Variants in LRRC1 observed in about 807,000 individuals in gnomAD.
The protein encoded by LRRC1 is leucine rich repeat containing 1.
Under a neutral mutation model 69.9 loss-of-function variants are expected in LRRC1, and 28 were observed. The observed-to-expected ratio is 0.40, with a 90% CI of 0.30 to 0.55. The LOEUF is 0.55. Among genes scored for constraint, LRRC1 ranks in the 20% least tolerant of loss-of-function variants. The probability of loss-of-function intolerance (pLI) is 0.47; values close to 1 mark genes in which losing one functional copy is unlikely to be tolerated. For missense variants in LRRC1, 498 were observed against 609.0 expected (o/e 0.82, Z 1.92); for synonymous variants, 236 against 240.2 (o/e 0.98, Z 0.16).
At chr6:53,809,344 C>A (rs1380097150) in intron 1 of LRRC1, among the ~76,000 whole-genome samples, 1 of 152,186 alleles carries the variant, frequency 6.6e-6, no homozygotes, top group Non-Finnish European at 1.5e-5. Flanking sequence ...CATCTTATAA[C>A]ATATTACACT....
intron 12 of LRRC1, 45 bp downstream of exon 12, chr6:53,919,715 G>A (rs1326048381): frequency 6.4e-7 from 1 of 1,555,924 alleles, no homozygotes; most frequent in Admixed American, 1.7e-5. Context: ...ACGAGATTGA[G>A]TAGGACCTAA....
chr6:53,900,329 G>T (rs1157577985), intron 8 of LRRC1, among the ~76,000 whole-genome samples: 1 of 152,134 alleles, frequency 6.6e-6, no homozygotes, highest in Non-Finnish European at 1.5e-5. Context: ...GAGCCACCAT[G>T]CCCGGCCTTG....
Position 53,840,884 on chromosome 6 carries a change from TTGTGTGTG to T in LRRC1, c.160-1189_160-1182del, listed in dbSNP as rs57491487. Among the ~76,000 whole-genome samples, 1,125 of 125,282 alleles carry T rather than the reference TTGTGTGTG, an allele frequency of 9.0e-3. 8 individuals are homozygous for T. Among genetic ancestry groups the T allele is most frequent in the East Asian group, 0.046 (193 of 4,184 alleles). The allele number at this position is 125,282 out of a possible 152,430, so 82.2% of individuals were successfully genotyped here. A position where few individuals can be genotyped will look rare whatever the true frequency, so the allele number is the denominator to read the frequency against. ...TCCTCTGGGGTGGGGGGGTATGTGTTTGTGTGTGTGTGTGTGTGTGTGTGTGTGTGTGT... is the reference window on the plus strand; with the variant it reads ...TCCTCTGGGGTGGGGGGGTATGTGTTTGTGTGTGTGTGTGTGTGTGTGTGT... On this transcript the variant is annotated intron_variant, in intron 1 of 13. Coordinates refer to ENST00000370888, the MANE Select transcript of LRRC1 (RefSeq NM_018214.5).
intron 3 of LRRC1, among the ~76,000 whole-genome samples, chr6:53,881,702 T>A (rs1767295960): frequency 6.6e-6 from 1 of 152,206 alleles, no homozygotes; most frequent in Non-Finnish European, 1.5e-5. Flanking sequence ...AATGGAAGAT[T>A]CTAATCTAGA....
chr6:53,911,418 G>T (rs1768404697), intron 10 of LRRC1, among the ~76,000 whole-genome samples: 1 of 152,192 alleles, frequency 6.6e-6, no homozygotes, highest in Non-Finnish European at 1.5e-5. Context: ...TTACAGGTTG[G>T]TGTGGTGGGA....
At chr6:53,851,252 A>G (rs1206926310) in intron 2 of LRRC1, among the ~76,000 whole-genome samples, 1 of 151,186 alleles carries the variant, frequency 6.6e-6, no homozygotes, top group African/African-American at 2.4e-5. Flanking sequence ...TCTATTCCTA[A>G]TCTCTCTCTC....
intron 1 of LRRC1, among the ~76,000 whole-genome samples, chr6:53,837,944 T>TA (rs1031764080): frequency 2.0e-5 from 3 of 152,306 alleles, no homozygotes; most frequent in African/African-American, 7.2e-5. Context: ...CTAAGTGGGT[T>TA]AGTGAGCTAT....
At chr6:53,910,270 C>T (rs1176400074) in intron 10 of LRRC1, among the ~76,000 whole-genome samples, 1 of 152,128 alleles carries the variant, frequency 6.6e-6, no homozygotes, top group Non-Finnish European at 1.5e-5. Context: ...TTAAAAATAT[C>T]AGCTTCCTAC....
chr6:53,886,852 A>G (rs545815937), intron 4 of LRRC1, among the ~76,000 whole-genome samples: 5 of 152,300 alleles, frequency 3.3e-5, no homozygotes, highest in African/African-American at 1.2e-4. Context: ...TTTACACAGA[A>G]GTGTAGTTGT....
intron 11 of LRRC1, among the ~76,000 whole-genome samples, chr6:53,918,369 A>G (rs1375144201): frequency 1.3e-5 from 2 of 152,254 alleles, no homozygotes; most frequent in Admixed American, 1.3e-4. Flanking sequence ...TTTGAAACTA[A>G]CACAGAAATC....
chr6:53,814,656 C>T (rs1204922825), intron 1 of LRRC1, among the ~76,000 whole-genome samples: 1 of 152,184 alleles, frequency 6.6e-6, no homozygotes, highest in Non-Finnish European at 1.5e-5. Flanking sequence ...GCTTTGAAAA[C>T]CTTGCTTCCA....
chr6:53,897,172 G>A, intron 6 of LRRC1, 113 bp from the exon 7 acceptor site: 2 of 708,202 alleles, frequency 2.8e-6, no homozygotes, highest in Non-Finnish European at 4.7e-6. Flanking sequence ...AAGTACCAGT[G>A]AACATCTGCT....
chr6:53,899,750 A>G lies in LRRC1; in HGVS notation c.646A>G (p.Ile216Val), dbSNP rs200563845. 11 of 1,613,692 alleles carry G rather than the reference A, an allele frequency of 6.8e-6. No homozygotes were observed. The Admixed American group carries it at 8.3e-5, about 12-fold the overall frequency. The change falls in exon 8 of 14, where the codon ATA (isoleucine) becomes GTA (valine). Residue 216 changes from isoleucine (I) to valine (V), a missense_variant. Coordinates refer to ENST00000370888, the MANE Select transcript of LRRC1 (RefSeq NM_018214.5). Reference protein sequence around the residue: ...GNQLSELPQEIGNLKNLLCLD... With the variant: ...GNQLSELPQEVGNLKNLLCLD... Reference sequence around the variant, plus strand: ...TTTTTCCATGTCATTGTTATAGGAAATAGGAAATCTGAAGAACCTGCTGTG... The same window carrying G: ...TTTTTCCATGTCATTGTTATAGGAAGTAGGAAATCTGAAGAACCTGCTGTG...
At chr6:53,830,271 C>G (rs1400235840) in intron 1 of LRRC1, among the ~76,000 whole-genome samples, 1 of 152,220 alleles carries the variant, frequency 6.6e-6, no homozygotes, top group Non-Finnish European at 1.5e-5. Flanking sequence ...AGAAGTGGCT[C>G]TGAAGGAGCT....
At chr6:53,795,789 T>TC (rs548263841) in intron 1 of LRRC1, among the ~76,000 whole-genome samples, 43 of 151,852 alleles carry the variant, frequency 2.8e-4, no homozygotes, top group Middle Eastern at 3.4e-3. Flanking sequence ...CACTGCATCC[T>TC]CCCCCCCTCC....
chr6:53,803,576 G>C (rs1562022080), intron 1 of LRRC1, among the ~76,000 whole-genome samples: 1 of 146,896 alleles, frequency 6.8e-6, no homozygotes, highest in Admixed American at 6.7e-5. Context: ...ATCTAATAGA[G>C]TGTGTGTGTG....
Position 53,796,603 on chromosome 6 carries a change from A to G in LRRC1, c.159+1188A>G, listed in dbSNP as rs148304530. Among the ~76,000 whole-genome samples, 284 of 152,342 alleles carry G rather than the reference A, an allele frequency of 1.9e-3. 4 individuals are homozygous for G. In the East Asian group the frequency reaches 0.038, roughly 21 times the overall value. On this transcript the variant is annotated intron_variant, in intron 1 of 13. Coordinates refer to ENST00000370888, the MANE Select transcript of LRRC1 (RefSeq NM_018214.5). ...TCCAGCGCTGATGGAGCATTTAAAC[A>G]ATAAGAACTGTGTGTTTTTCTCAAT...
chr6:53,882,783 T>A, intron 3 of LRRC1, 104 bp from the exon 4 acceptor site: 1 of 650,060 alleles, frequency 1.5e-6, no homozygotes, highest in Non-Finnish European at 2.5e-6. Context: ...TTTTAGGAGG[T>A]TATTTCAGTT....
intron 2 of LRRC1, among the ~76,000 whole-genome samples, chr6:53,866,472 C>T (rs972036965): frequency 2.6e-5 from 4 of 152,114 alleles, no homozygotes; most frequent in Admixed American, 1.3e-4. Context: ...CAATAGAGAA[C>T]GATATAGGTC....
Sources: gnomAD v4.1 joint callset for allele counts (sites outside exome capture counted in the v4.1 genomes callset) on GRCh38, gnomAD v4.1.1 for gene constraint, MANE v1.5 for transcripts, NCBI Gene and HGNC (gene_info 2026-07-23, HGNC 2026-07-21) for gene names.